Variants in DMD observed in about 807,000 individuals in gnomAD.
DMD encodes the protein mutant dystrophin.
In DMD, 63 loss-of-function variants were observed where a neutral mutation model predicts 330.1. The ratio of observed to expected loss-of-function variants is 0.19; its 90% confidence interval spans 0.16 to 0.24. The LOEUF is 0.24. Ranked by LOEUF, DMD falls within the 10% of genes least tolerant of loss-of-function variation. The probability of loss-of-function intolerance (pLI) is 1.00; values close to 1 mark genes in which losing one functional copy is unlikely to be tolerated. For missense variants in DMD, 3,344 were observed against 2,684.1 expected (o/e 1.25, Z -5.43); for synonymous variants, 1,223 against 959.8 (o/e 1.27, Z -5.07).
At chrX:33,176,660 G>A (rs1401264814) in intron 1 of DMD, among the ~76,000 whole-genome samples, 1 of 110,563 alleles carries the variant, frequency 9.0e-6, no homozygotes, top group Non-Finnish European at 1.9e-5. Context: ...AATAGGCCAG[G>A]CGCAGTGGCT....
chrX:31,965,180 A>C (rs1280204354), intron 45 of DMD, among the ~76,000 whole-genome samples: 1 of 111,561 alleles, frequency 9.0e-6, no homozygotes, highest in Non-Finnish European at 1.9e-5. Context: ...AGAATACTCC[A>C]GAAGAAAAGG....
At chrX:31,840,147 A>T (rs1417366263) in intron 48 of DMD, among the ~76,000 whole-genome samples, 1 of 111,633 alleles carries the variant, frequency 9.0e-6, no homozygotes, top group Non-Finnish European at 1.9e-5. Context: ...GATACATTTG[A>T]TCTAACTTTT....
chrX:32,800,666 C>G (rs1328917522), intron 7 of DMD, among the ~76,000 whole-genome samples: 1 of 110,787 alleles, frequency 9.0e-6, no homozygotes, highest in African/African-American at 3.3e-5. Flanking sequence ...AATCCGTCAT[C>G]TATGTTAGGT....
At chrX:32,440,039 A>T (rs570321396) in intron 28 of DMD, among the ~76,000 whole-genome samples, 8 of 111,374 alleles carry the variant, frequency 7.2e-5, no homozygotes, top group Middle Eastern at 4.6e-3. Context: ...TTTTCAGCAC[A>T]TCACTGAAAC....
intron 9 of DMD, among the ~76,000 whole-genome samples, chrX:32,657,475 C>T (rs1249834912): frequency 9.0e-6 from 1 of 111,716 alleles, no homozygotes; most frequent in Admixed American, 9.5e-5. Context: ...TACAAACACC[C>T]TAAAAGGGGG....
intron 44 of DMD, among the ~76,000 whole-genome samples, chrX:32,048,708 G>A (rs762681230): frequency 8.1e-5 from 9 of 110,826 alleles, no homozygotes; most frequent in Non-Finnish European, 1.3e-4. Flanking sequence ...ACAAAGGGAC[G>A]TTGTTTTCTT....
intron 50 of DMD, among the ~76,000 whole-genome samples, chrX:31,809,538 AGATT>A (rs57603029): frequency 0.12 from 12,857 of 110,239 alleles, 558 homozygotes; most frequent in East Asian, 0.18. Flanking sequence ...TAGGATACCT[AGATT>A]GTTTGTCTAA....
intron 9 of DMD, among the ~76,000 whole-genome samples, chrX:32,661,971 A>C (rs1034533523): frequency 9.0e-6 from 1 of 111,703 alleles, no homozygotes; most frequent in African/African-American, 3.2e-5. Context: ...CCATTGGTAC[A>C]TTTCAACTTA....
chrX:32,800,388 AT>A (rs1223767439), intron 7 of DMD, among the ~76,000 whole-genome samples: 2 of 111,252 alleles, frequency 1.8e-5, no homozygotes, highest in South Asian at 3.7e-4. Flanking sequence ...ATGAGTTATT[AT>A]TTTTTTCTTT....
intron 67 of DMD, among the ~76,000 whole-genome samples, chrX:31,189,454 C>T (rs1402927101): frequency 1.8e-5 from 2 of 111,191 alleles, no homozygotes; most frequent in Admixed American, 9.6e-5. Context: ...ACTGCATTTT[C>T]GATACGCATT....
chrX:32,801,259 A>G (rs1256742985), intron 7 of DMD, among the ~76,000 whole-genome samples: 1 of 111,487 alleles, frequency 9.0e-6, no homozygotes, highest in African/African-American at 3.3e-5. Context: ...TTTGATTTTC[A>G]TTTCTCTAAT....
At chrX:32,621,791 C>G (rs5972627) in intron 11 of DMD, among the ~76,000 whole-genome samples, 10,140 of 110,453 alleles carry the variant, frequency 0.092, 1,077 homozygotes, top group African/African-American at 0.31. Context: ...TTTCTCTCTT[C>G]ATTAGTGGTT....
chrX:31,387,191 G>C (rs2060483714), intron 60 of DMD, among the ~76,000 whole-genome samples: 1 of 111,181 alleles, frequency 9.0e-6, no homozygotes, highest in Non-Finnish European at 1.9e-5. Context: ...CATCAAATTT[G>C]GTATGATCTG....
intron 59 of DMD, among the ~76,000 whole-genome samples, chrX:31,463,998 T>C (rs2066698333): frequency 9.0e-6 from 1 of 111,512 alleles, no homozygotes; most frequent in Non-Finnish European, 1.9e-5. Context: ...TTGAATAATC[T>C]TTTATTACCC....
intron 52 of DMD, among the ~76,000 whole-genome samples, chrX:31,721,685 A>ACTCTCTCTCTCTCTCTCTCT (rs767300805): frequency 2.5e-5 from 1 of 39,590 alleles, no homozygotes; most frequent in Non-Finnish European, 4.1e-5. Flanking sequence ...TCTCTCTCTC[A>ACTCTCTCTCTCTCTCTCTCT]CTCTCTCTCT....
intron 18 of DMD, among the ~76,000 whole-genome samples, chrX:32,507,056 G>A (rs1334664214): frequency 8.9e-6 from 1 of 111,783 alleles, no homozygotes; most frequent in African/African-American, 3.2e-5. Context: ...AAAGGTAAAT[G>A]TTATATGGAA....
At chrX:33,269,553 T>C (rs758092818) in intron 1 of DMD, among the ~76,000 whole-genome samples, 31 of 111,097 alleles carry the variant, frequency 2.8e-4, no homozygotes, top group South Asian at 1.5e-3. Context: ...GTATGTAAAA[T>C]AAAAGTTGAA....
At chrX:33,004,836 G>A (rs938737458) in intron 2 of DMD, among the ~76,000 whole-genome samples, 10 of 111,039 alleles carry the variant, frequency 9.0e-5, no homozygotes, top group African/African-American at 2.9e-4. Context: ...GAAATTTCTT[G>A]TTAAATGTGT....
In DMD at chrX:32,464,630, G is replaced by T; in HGVS notation, c.3232C>A (p.Leu1078Ile). 8.3e-7 allele frequency: 1 copy of T among 1,210,559 alleles called. No individual in the cohort carries two copies. The highest frequency in any genetic ancestry group is 1.1e-6 in the Non-Finnish European group (1 of 894,536). Reference sequence around the variant, plus strand: ...TTTTTTAGAATTTCTGAATCCCCAAGGGCAGGCCATTCCTCCTTCAGAAAA... The same window carrying T: ...TTTTTTAGAATTTCTGAATCCCCAATGGCAGGCCATTCCTCCTTCAGAAAA... ...DVFLKEEWPALGDSEILKKQL... is the reference protein window; with the variant it reads ...DVFLKEEWPAIGDSEILKKQL... The change falls in exon 24 of 79, where the codon CTT becomes ATT. Residue 1078 changes from leucine to isoleucine, a missense_variant. Coordinates refer to ENST00000357033, the MANE Select transcript of DMD (RefSeq NM_004006.3).
Sources: allele counts gnomAD v4.1 joint callset (sites outside exome capture counted in the v4.1 genomes callset), GRCh38; gene constraint gnomAD v4.1.1; transcripts MANE v1.5; gene names NCBI Gene and HGNC (gene_info 2026-07-23, HGNC 2026-07-21).